Variants in OSBPL10 observed in about 807,000 individuals in gnomAD.
The protein encoded by OSBPL10 is oxysterol-binding protein-related protein 10.
OSBPL10 carries 49 observed loss-of-function variants against 81.7 expected under a neutral mutation model. The ratio of observed to expected loss-of-function variants is 0.60; its 90% CI spans 0.48 to 0.76. The LOEUF is 0.76. OSBPL10 is among the 30% of genes least tolerant of loss of function. OSBPL10 has a pLI of 0.00. For synonymous variants in OSBPL10, 419 were observed against 383.6 expected, an observed-to-expected ratio of 1.09 and a Z score of -1.08; for missense variants, 923 against 987.8, an observed-to-expected ratio of 0.93 and a Z score of 0.88.
intron 4 of OSBPL10, 53 bp from the exon 5 acceptor site, chr3:31,748,173 G>T (rs1420558385): frequency 1.1e-5 from 17 of 1,500,880 alleles, no homozygotes; most frequent in Admixed American, 5.8e-5. Flanking sequence ...CTTTCGACAG[G>T]CTGGGGAGGC....
chr3:31,952,050 G>C (rs1450639992), intron 1 of OSBPL10, among the ~76,000 whole-genome samples: 2 of 151,760 alleles, frequency 1.3e-5, no homozygotes, highest in East Asian at 1.9e-4. Flanking sequence ...GGATTTGTTA[G>C]CTCTAAAGAC....
chr3:32,049,981 C>T (rs542403417), intron 1 of OSBPL10, among the ~76,000 whole-genome samples: 8 of 152,290 alleles, frequency 5.3e-5, no homozygotes, highest in South Asian at 2.1e-4. Flanking sequence ...GTAAAAATCA[C>T]TGTGTTCTCT....
intron 6 of OSBPL10, among the ~76,000 whole-genome samples, chr3:31,726,977 G>A (rs141534916): frequency 0.017 from 2,544 of 151,958 alleles, 57 homozygotes; most frequent in African/African-American, 0.058. Flanking sequence ...CCAAGTAGCT[G>A]GGACCATCGG....
At chr3:31,931,131 T>G (rs988831667) in intron 1 of OSBPL10, among the ~76,000 whole-genome samples, 1 of 151,594 alleles carries the variant, frequency 6.6e-6, no homozygotes, top group Non-Finnish European at 1.5e-5. Flanking sequence ...ACACTGGTGA[T>G]TATCTTTGGA....
At chr3:31,675,363 C>T (rs1245521130) in intron 8 of OSBPL10, among the ~76,000 whole-genome samples, 1 of 152,126 alleles carries the variant, frequency 6.6e-6, no homozygotes, top group Non-Finnish European at 1.5e-5. Context: ...GAATATGCCA[C>T]GACTTTTTTT....
chr3:31,927,299 T>C (rs1378215543), intron 1 of OSBPL10, among the ~76,000 whole-genome samples: 2 of 152,196 alleles, frequency 1.3e-5, no homozygotes, highest in Non-Finnish European at 2.9e-5. Context: ...CTCTGGAATA[T>C]TTGGAGGTTA....
intron 1 of OSBPL10, among the ~76,000 whole-genome samples, chr3:31,913,833 A>G (rs958304138): frequency 6.6e-6 from 1 of 152,234 alleles, no homozygotes; most frequent in Non-Finnish European, 1.5e-5. Flanking sequence ...AAAATCTAGG[A>G]GAATGGGAGA....
rs935460810 is a variant in OSBPL10 at position 32,066,584 on chromosome 3, C to T, written n.185+10812G>A. 6 of 152,374 alleles carry T rather than the reference C, an allele frequency of 3.9e-5. No homozygotes were observed. In the South Asian group the frequency reaches 1.2e-3, roughly 32 times the overall value. The allele number at this position is 152,374 out of a possible 1,614,324, so 9.4% of individuals were successfully genotyped here. A position where few individuals can be genotyped will look rare whatever the true frequency, so the allele number is the denominator to read the frequency against. On this transcript the variant is annotated intron_variant and non_coding_transcript_variant, in intron 1 of 3. Transcript: ENST00000479173. The stretch of plus-strand genomic sequence containing the variant: ...CCTGCAAACTCAGTGACAGGAGCAG[C>T]TTGGCCATGCCAGAAAAGTCTGCCA...
At chr3:32,069,118 C>T (rs1194514264) in intron 1 of OSBPL10, among the ~76,000 whole-genome samples, 1 of 152,150 alleles carries the variant, frequency 6.6e-6, no homozygotes, top group Admixed American at 6.5e-5. Flanking sequence ...TCTATCAGAC[C>T]TTTCACAAAT....
chr3:31,891,834 C>A (rs1259599713), intron 1 of OSBPL10, among the ~76,000 whole-genome samples: 1 of 152,118 alleles, frequency 6.6e-6, no homozygotes, highest in Non-Finnish European at 1.5e-5. Flanking sequence ...CATATAAAAG[C>A]TCAACAATGT....
intron 6 of OSBPL10, among the ~76,000 whole-genome samples, chr3:31,725,664 G>T (rs190156855): frequency 2.0e-5 from 3 of 152,286 alleles, no homozygotes; most frequent in Non-Finnish European, 4.4e-5. Flanking sequence ...GCTCCAGGAC[G>T]CTGACCATGG....
chr3:31,985,206 T>C (rs1289002187), upstream of OSBPL10, among the ~76,000 whole-genome samples: 1 of 152,194 alleles, frequency 6.6e-6, no homozygotes, highest in Non-Finnish European at 1.5e-5. Flanking sequence ...ACCATTGCAC[T>C]CCAGCCTGGG....
At chr3:32,004,205 G>A (rs1463435428) in intron 2 of OSBPL10, among the ~76,000 whole-genome samples, 1 of 152,148 alleles carries the variant, frequency 6.6e-6, no homozygotes, top group Admixed American at 6.5e-5. Context: ...TGTTAGAGTG[G>A]TGACAGCCAA....
intron 3 of OSBPL10, among the ~76,000 whole-genome samples, chr3:31,871,449 G>GT (rs1313922818): frequency 4.6e-5 from 7 of 152,104 alleles, no homozygotes; most frequent in Non-Finnish European, 8.8e-5. Flanking sequence ...CTTAAAAGCT[G>GT]TAACACTCAC....
At chr3:31,859,820 T>C (rs976347928) in intron 3 of OSBPL10, among the ~76,000 whole-genome samples, 8 of 152,194 alleles carry the variant, frequency 5.3e-5, no homozygotes, top group Non-Finnish European at 8.8e-5. Context: ...ACACAATTCA[T>C]TACAGCACCC....
chr3:31,702,508 G>T lies in OSBPL10; in HGVS notation c.1096C>A (p.Pro366Thr), dbSNP rs763937610. ...DEQTSQPEPE[P>T]NSGSELVLSE... is the part of the protein sequence containing the mutation. ...AAAACCAATTCAGAGCCTGAGTTTG[G>T]CTAAAATGAAATAATCAATAAAAAT... Residue 366 changes from proline (P) to threonine (T), a missense_variant and splice_region_variant, in exon 7 of 12, where the codon CCA becomes ACA. This residue lies in a region of OSBPL10 where 514 missense variants were observed against 508.0 expected (regional missense o/e 1.01). Transcript: ENST00000396556. The T allele has an allele frequency of 2.5e-6, 4 of 1,613,902 alleles. No individual in the cohort carries two copies. Among genetic ancestry groups the T allele is most frequent in the South Asian group, 2.2e-5 (2 of 91,072 alleles).
At chr3:31,787,963 C>A (rs1698900808) in intron 4 of OSBPL10, among the ~76,000 whole-genome samples, 1 of 151,920 alleles carries the variant, frequency 6.6e-6, no homozygotes, top group Non-Finnish European at 1.5e-5. Context: ...TAAATGGAAA[C>A]ATATATTAAG....
chr3:31,812,770 GAA>G (rs1363567286), intron 4 of OSBPL10, among the ~76,000 whole-genome samples: 13 of 37,190 alleles, frequency 3.5e-4, no homozygotes, highest in South Asian at 1.5e-3. Context: ...AAGAAAGAAA[GAA>G]AGAAAGAAAG....
intron 4 of OSBPL10, among the ~76,000 whole-genome samples, chr3:31,799,935 C>G (rs980038171): frequency 3.3e-5 from 5 of 152,208 alleles, no homozygotes; most frequent in African/African-American, 1.2e-4. Flanking sequence ...GTCTCGAACT[C>G]CTGACCTCAT....
Sources: allele counts gnomAD v4.1 joint callset (sites outside exome capture counted in the v4.1 genomes callset), GRCh38; gene constraint gnomAD v4.1.1; regional missense constraint gnomAD v4.1.1; transcripts MANE v1.5; gene names NCBI Gene and HGNC (gene_info 2026-07-23, HGNC 2026-07-21).